ARFGEF1: variants seen among roughly 807,000 people sequenced by gnomAD.
ARFGEF1 encodes the protein ARF guanine nucleotide exchange factor 1, also known as brefeldin A-inhibited guanine nucleotide-exchange protein 1.
A neutral mutation model predicts 231.0 loss-of-function variants in ARFGEF1; 42 were observed. The ratio of observed to expected loss-of-function variants is 0.18; its 90% CI spans 0.14 to 0.24. ARFGEF1 has a LOEUF of 0.24. Ranked by LOEUF, ARFGEF1 falls within the 10% of genes least tolerant of loss-of-function variation. ARFGEF1 has a pLI of 1.00. For missense variants in ARFGEF1, 1,345 were observed against 2,192.0 expected (o/e 0.61, Z 7.72); for synonymous variants, 710 against 732.3 (o/e 0.97, Z 0.49).
chr8:67,232,900 G>T lies in ARFGEF1; in HGVS notation c.3335C>A (p.Ser1112Tyr). ...ACTCTGAGAACTGGTTTCTCCAATG[G>T]ATTCCTGAATACTTGCTATCTGTTT... ...DWKQIASIQE[S>Y]IGETSSQSVV... is the part of the protein sequence containing the mutation. Residue 1112 changes from serine (S) to tyrosine (Y), a missense_variant, in exon 23 of 39, where the codon TCC (serine) becomes TAC (tyrosine). Physicochemically the swap from Ser to Tyr is moderately radical, Grantham distance 144. This residue lies in a region of ARFGEF1 where 146 missense variants were observed against 321.4 expected (regional missense o/e 0.45). Coordinates refer to ENST00000262215, the MANE Select transcript of ARFGEF1 (RefSeq NM_006421.5). The T allele has an allele frequency of 6.2e-7, 1 of 1,610,742 alleles. No homozygotes were observed. The highest frequency in any genetic ancestry group is 8.5e-7 in the Non-Finnish European group (1 of 1,178,196).
intron 10 of ARFGEF1, 130 bp from the exon 11 acceptor site, chr8:67,267,572 G>C: frequency 1.7e-6 from 1 of 592,342 alleles, no homozygotes; most frequent in Non-Finnish European, 3.0e-6. Context: ...CTCCTTTTGA[G>C]TTCCATCTCT....
At chr8:67,234,630 A>C (rs941117244) in intron 22 of ARFGEF1, among the ~76,000 whole-genome samples, 1 of 152,170 alleles carries the variant, frequency 6.6e-6, no homozygotes. Flanking sequence ...TAAAGCTGAA[A>C]AGACAGACTA....
At chr8:67,176,781 G>A (rs969699699) in intron 5 of ARFGEF1, among the ~76,000 whole-genome samples, 2 of 152,036 alleles carry the variant, frequency 1.3e-5, no homozygotes, top group African/African-American at 4.8e-5. Flanking sequence ...ATAGGAATAT[G>A]ACCTCACTGG....
In ARFGEF1 at chr8:67,271,911, G is replaced by C; in HGVS notation, c.1363C>G (p.Leu455Val). Residue 455 changes from leucine (L) to valine (V), a missense_variant, in exon 10 of 39, where the codon CTT becomes GTT. Around this residue, in one of 14 missense-constraint regions of ARFGEF1, gnomAD observed 141 missense variants for 259.9 expected, o/e 0.54. Transcript: ENST00000262215. ...PKSHELRSKI[L>V]SLQLLLSILQ... ...ATGGATAGAAGTAACTGCAATGAAA[G>C]AATCTTGGATCGTAGTTCATGAGAC... 6.2e-7 allele frequency: 1 copy of C among 1,611,200 alleles called. No homozygotes were observed. Among genetic ancestry groups the C allele is most frequent in the Non-Finnish European group, 8.5e-7 (1 of 1,179,070 alleles).
intron 5 of ARFGEF1, among the ~76,000 whole-genome samples, chr8:67,179,444 A>C (rs1464746456): frequency 2.0e-5 from 3 of 152,224 alleles, no homozygotes; most frequent in Non-Finnish European, 4.4e-5. Flanking sequence ...TAAGTGGGCT[A>C]TACAGGTTTA....
At chr8:67,275,415 G>C (rs1018724615) in intron 9 of ARFGEF1, among the ~76,000 whole-genome samples, 2 of 152,014 alleles carry the variant, frequency 1.3e-5, no homozygotes, top group African/African-American at 4.8e-5. Flanking sequence ...CTAACTCAAA[G>C]TTCTTCCTGA....
chr8:67,324,435 C>T (rs900030237), intron 1 of ARFGEF1, among the ~76,000 whole-genome samples: 2 of 152,216 alleles, frequency 1.3e-5, no homozygotes, highest in Admixed American at 1.3e-4. Flanking sequence ...TATGCTCATA[C>T]AATTAGTTCT....
At chr8:67,286,086 T>C (rs939988995) in intron 7 of ARFGEF1, among the ~76,000 whole-genome samples, 1 of 152,218 alleles carries the variant, frequency 6.6e-6, no homozygotes, top group African/African-American at 2.4e-5. Flanking sequence ...TCCCTAGGTA[T>C]GAAAATGGAA....
At chr8:67,342,778 C>G (rs1343081310) in intron 1 of ARFGEF1, among the ~76,000 whole-genome samples, 4 of 152,168 alleles carry the variant, frequency 2.6e-5, no homozygotes, top group East Asian at 1.9e-4. Flanking sequence ...TCTTGACATA[C>G]CAGCCCCACC....
chr8:67,323,070 G>A (rs1490730176), intron 1 of ARFGEF1, among the ~76,000 whole-genome samples: 2 of 152,044 alleles, frequency 1.3e-5, no homozygotes, highest in Non-Finnish European at 2.9e-5. Context: ...TGGCCAACAT[G>A]GTGAAACCCC....
chr8:67,227,662 ATT>A (rs1343341263), intron 25 of ARFGEF1, 64 bp from the exon 26 acceptor site: 4 of 1,545,352 alleles, frequency 2.6e-6, no homozygotes, highest in Non-Finnish European at 3.5e-6. Flanking sequence ...ACAATTCTTT[ATT>A]TTTTGTTTTA....
chr8:67,173,944 C>T (rs1261326534), downstream of ARFGEF1: 1 of 152,142 alleles, frequency 6.6e-6, no homozygotes, highest in Non-Finnish European at 1.5e-5. Context: ...GATTTCATCT[C>T]TTTGAAGCTA....
intron 1 of ARFGEF1, among the ~76,000 whole-genome samples, chr8:67,319,002 C>G (rs1364126879): frequency 6.6e-6 from 1 of 152,112 alleles, no homozygotes; most frequent in Non-Finnish European, 1.5e-5. Context: ...CACAATAGCT[C>G]ACCACAAAAT....
intron 8 of ARFGEF1, 34 bp downstream of exon 8, chr8:67,277,248 G>C (rs1805352120): frequency 1.2e-6 from 2 of 1,600,874 alleles, no homozygotes; most frequent in African/African-American, 2.7e-5. Flanking sequence ...AAGATTAACA[G>C]GATTTCTCCC....
At chr8:67,316,914 T>A (rs1201662785) in intron 1 of ARFGEF1, among the ~76,000 whole-genome samples, 1 of 152,312 alleles carries the variant, frequency 6.6e-6, no homozygotes, top group East Asian at 1.9e-4. Context: ...AGACCAACTA[T>A]GTGAGTAAAG....
intron 10 of ARFGEF1, 81 bp from the exon 11 acceptor site, chr8:67,267,523 T>A: frequency 1.1e-6 from 1 of 898,540 alleles, no homozygotes; most frequent in African/African-American, 1.7e-5. Context: ...CCCAGAGCTA[T>A]AGAGCAGGTA....
chr8:67,208,978 T>C (rs1838623550), intron 34 of ARFGEF1, among the ~76,000 whole-genome samples: 1 of 152,218 alleles, frequency 6.6e-6, no homozygotes, highest in African/African-American at 2.4e-5. Context: ...AAACTGGAAT[T>C]GCTGGTGGGA....
At chr8:67,342,552 G>C (rs1014261270) in intron 1 of ARFGEF1, among the ~76,000 whole-genome samples, 1 of 151,472 alleles carries the variant, frequency 6.6e-6, no homozygotes, top group African/African-American at 2.4e-5. Flanking sequence ...CTTAACCACC[G>C]GTCTTGTTCT....
chr8:67,258,818 T>TAC (rs10576509), intron 15 of ARFGEF1, among the ~76,000 whole-genome samples: 10,175 of 142,972 alleles, frequency 0.071, 394 homozygotes, highest in East Asian at 0.11. Context: ...AAGCAGATTT[T>TAC]ACACACACAC....
Sources: allele counts gnomAD v4.1 joint callset (sites outside exome capture counted in the v4.1 genomes callset), GRCh38; gene constraint gnomAD v4.1.1; regional missense constraint gnomAD v4.1.1; transcripts MANE v1.5; gene names NCBI Gene and HGNC (gene_info 2026-07-23, HGNC 2026-07-21).